Variants in RALGPS2 observed in about 807,000 individuals in gnomAD.
RALGPS2 encodes ras-specific guanine nucleotide-releasing factor RalGPS2.
A neutral mutation model predicts 86.8 loss-of-function variants in RALGPS2; 43 were observed. That is an observed-to-expected ratio of 0.50 (90% CI 0.39 to 0.64). RALGPS2 has a LOEUF of 0.64. RALGPS2 is among the 30% of genes least tolerant of loss of function. The pLI is 0.00. For synonymous variants in RALGPS2, 243 were observed against 231.3 expected (o/e 1.05, Z -0.46); for missense variants, 536 against 694.6 (o/e 0.77, Z 2.57).
chr1:178,895,461 G>A (rs1659899099), intron 16 of RALGPS2, among the ~76,000 whole-genome samples: 2 of 152,060 alleles, frequency 1.3e-5, no homozygotes, highest in South Asian at 4.1e-4. Flanking sequence ...GAGAAATAGA[G>A]AATAAGGCTT....
intron 1 of RALGPS2, among the ~76,000 whole-genome samples, chr1:178,730,706 G>GTT (rs540414287): frequency 0.025 from 3,247 of 131,302 alleles, 43 homozygotes; most frequent in Middle Eastern, 0.053. Flanking sequence ...TTTTTTTTTT[G>GTT]TTTTTTTTTT....
chr1:178,821,638 T>C lies in RALGPS2; in HGVS notation c.414T>C (p.His138=). 7 of 1,613,666 alleles carry C rather than the reference T, an allele frequency of 4.3e-6. No individual in the cohort carries two copies. The highest frequency in any genetic ancestry group is 5.9e-6 in the Non-Finnish European group (7 of 1,179,772). Residue 138 remains histidine (H), a synonymous_variant, in exon 7 of 20, where the codon CAT becomes CAC. Coordinates refer to ENST00000367635, the MANE Select transcript of RALGPS2 (RefSeq NM_152663.5). ...AKKLYELNNL[H]ALMAVVSGLQ... The stretch of plus-strand genomic sequence containing the variant: ...AACTGTATGAGCTGAATAACCTTCA[T>C]GCACTTATGGCAGTGGTTTCTGGCC...
intron 17 of RALGPS2, among the ~76,000 whole-genome samples, chr1:178,900,133 G>T (rs1660106490): frequency 6.6e-6 from 1 of 151,806 alleles, no homozygotes; most frequent in South Asian, 2.1e-4. Context: ...AATCATTGTG[G>T]CATTCTCAAC....
intron 8 of RALGPS2, among the ~76,000 whole-genome samples, chr1:178,863,240 G>T (rs1339978901): frequency 6.6e-6 from 1 of 152,162 alleles, no homozygotes; most frequent in Non-Finnish European, 1.5e-5. Flanking sequence ...AGTGGACTGT[G>T]TATGGGGCAG....
At chr1:178,864,966 A>C in intron 8 of RALGPS2, 2 of 1,452,630 alleles carry the variant, frequency 1.4e-6, no homozygotes, top group Non-Finnish European at 1.8e-6. Context: ...TCATTGATGA[A>C]AGTTACCGGT....
chr1:178,891,808 T>C (rs1386939406), intron 14 of RALGPS2, among the ~76,000 whole-genome samples: 2 of 152,042 alleles, frequency 1.3e-5, no homozygotes, highest in Non-Finnish European at 2.9e-5. Flanking sequence ...GGTGTCTTCA[T>C]AGGGACATAT....
Position 178,757,048 on chromosome 1 carries a change from TTTG to T in RALGPS2, c.-83-19624_-83-19622del, listed in dbSNP as rs538056275. ...TTTGTTTCTATGTATTCCTAGGTAT[TTTG>T]TTGTTGTTGATTCTATTGTAAATGG... On this transcript the variant is annotated intron_variant, in intron 1 of 19. Coordinates refer to ENST00000367635, the MANE Select transcript of RALGPS2 (RefSeq NM_152663.5). Among the ~76,000 whole-genome samples, 49 of 152,268 alleles carry T rather than the reference TTTG, an allele frequency of 3.2e-4. No homozygotes were observed. The South Asian group carries it at 6.2e-3, about 19-fold the overall frequency.
intron 4 of RALGPS2, among the ~76,000 whole-genome samples, chr1:178,798,521 C>T (rs1290460810): frequency 4.6e-5 from 7 of 152,118 alleles, no homozygotes; most frequent in Admixed American, 2.6e-4. Flanking sequence ...AGAAAAGTTA[C>T]GACATTACAG....
chr1:178,794,833 A>AGTATT (rs1654113139), intron 4 of RALGPS2, among the ~76,000 whole-genome samples: 1 of 152,190 alleles, frequency 6.6e-6, no homozygotes, highest in Non-Finnish European at 1.5e-5. Context: ...GAGGGTCTCA[A>AGTATT]GTATTCATAA....
intron 19 of RALGPS2, among the ~76,000 whole-genome samples, chr1:178,914,710 C>T (rs1326623915): frequency 6.6e-6 from 1 of 151,988 alleles, no homozygotes; most frequent in Non-Finnish European, 1.5e-5. Context: ...GCTTTGTTCT[C>T]TCATAGTTTT....
At chr1:178,770,113 C>T (rs192690757) in intron 1 of RALGPS2, among the ~76,000 whole-genome samples, 1 of 151,344 alleles carries the variant, frequency 6.6e-6, no homozygotes, top group East Asian at 1.9e-4. Context: ...GCCTCCCAGG[C>T]TCAGGTGATT....
intron 17 of RALGPS2, among the ~76,000 whole-genome samples, chr1:178,898,806 A>AG (rs1418336026): frequency 6.6e-6 from 1 of 151,980 alleles, no homozygotes; most frequent in African/African-American, 2.4e-5. Flanking sequence ...GTGAAGGATC[A>AG]TGGAGATTTC....
intron 1 of RALGPS2, among the ~76,000 whole-genome samples, chr1:178,765,805 A>G (rs536870311): frequency 6.6e-6 from 1 of 152,280 alleles, no homozygotes; most frequent in South Asian, 2.1e-4. Context: ...GCTGAGAAAA[A>G]GAATTCAGCG....
intron 1 of RALGPS2, among the ~76,000 whole-genome samples, chr1:178,750,968 G>A (rs1651620482): frequency 6.6e-6 from 1 of 152,052 alleles, no homozygotes; most frequent in South Asian, 2.1e-4. Context: ...TTCATACTTT[G>A]GGGGGAATTG....
rs1475472200 is a variant in RALGPS2, at chr1:178,920,125, GC to G, written c.*3767del. On this transcript the variant is annotated 3_prime_UTR_variant, in exon 20 of 20. Transcript: ENST00000367635. The stretch of plus-strand genomic sequence containing the variant: ...CAAAGTGGTATTCTGTTTTTTCTAA[GC>G]TTTGAGATACAAATATTGCTATTTA... 6.6e-6 allele frequency: 1 copy of G among 151,820 alleles called. No individual in the cohort carries two copies. Among genetic ancestry groups the G allele is most frequent in the African/African-American group, 2.4e-5 (1 of 41,376 alleles). The allele number at this position is 151,820 out of a possible 1,614,324, so 9.4% of individuals were successfully genotyped here.
chr1:178,859,490 G>A (rs1369792533), intron 8 of RALGPS2, among the ~76,000 whole-genome samples: 7 of 138,964 alleles, frequency 5.0e-5, no homozygotes, highest in East Asian at 2.1e-4. Flanking sequence ...TGCAACCTCC[G>A]CCTCCCGAGT....
chr1:178,886,206 A>G, intron 13 of RALGPS2, 86 bp downstream of exon 13: 1 of 1,375,946 alleles, frequency 7.3e-7, no homozygotes, highest in East Asian at 2.4e-5. Context: ...CCCCACCCAC[A>G]CACAGAGAAA....
At chr1:178,859,587 T>C (rs1052986319) in intron 8 of RALGPS2, among the ~76,000 whole-genome samples, 4 of 150,878 alleles carry the variant, frequency 2.7e-5, no homozygotes, top group Admixed American at 2.6e-4. Context: ...AAGCTTACCA[T>C]TTATGTCCTC....
At chr1:178,878,571 G>GT (rs2102365491) in intron 9 of RALGPS2, among the ~76,000 whole-genome samples, 1 of 152,102 alleles carries the variant, frequency 6.6e-6, no homozygotes, top group East Asian at 1.9e-4. Context: ...TGGGAACCAG[G>GT]TTTCTTTAAA....
Sources: allele counts gnomAD v4.1 joint callset (sites outside exome capture counted in the v4.1 genomes callset), GRCh38; gene constraint gnomAD v4.1.1; transcripts MANE v1.5; gene names NCBI Gene and HGNC (gene_info 2026-07-23, HGNC 2026-07-21).